Variants in SGCZ observed in about 807,000 individuals in gnomAD.
SGCZ encodes sarcoglycan zeta.
In SGCZ, 40 loss-of-function variants were observed where a neutral mutation model predicts 41.3. The observed-to-expected ratio is 0.97, with a 90% confidence interval of 0.75 to 1.26. The LOEUF (loss-of-function observed/expected upper bound fraction) is 1.26, where lower values mean the gene tolerates loss of function less well. Ranked by LOEUF, SGCZ falls within the 50% of genes most tolerant of loss-of-function variation. The pLI, the probability that SGCZ is intolerant of heterozygous loss-of-function variation, is 0.00. For synonymous variants in SGCZ, 206 were observed against 137.5 expected, an observed-to-expected ratio of 1.50 and a Z score of -3.49; for missense variants, 552 against 369.8, an observed-to-expected ratio of 1.49 and a Z score of -4.04.
intron 1 of SGCZ, among the ~76,000 whole-genome samples, chr8:15,062,709 A>G (rs145050374): frequency 3.9e-5 from 6 of 152,196 alleles, no homozygotes; most frequent in African/African-American, 1.4e-4. Context: ...TTGAGAATAA[A>G]TTGAAAAATA....
chr8:14,381,531 G>T (rs10101058), intron 2 of SGCZ, among the ~76,000 whole-genome samples: 55,103 of 151,722 alleles, frequency 0.36, 10,940 homozygotes, highest in African/African-American at 0.54. Context: ...TCCCAGTATG[G>T]TGGGAAGCTC....
chr8:14,256,630 T>A (rs1287729002), intron 3 of SGCZ, among the ~76,000 whole-genome samples: 1 of 152,178 alleles, frequency 6.6e-6, no homozygotes, highest in Non-Finnish European at 1.5e-5. Flanking sequence ...ACTATGATTT[T>A]ACATTAGAAA....
At chr8:14,755,474 A>C (rs2248529) in intron 1 of SGCZ, among the ~76,000 whole-genome samples, 103,200 of 151,960 alleles carry the variant, frequency 0.68, 35,318 homozygotes, top group East Asian at 0.81. Context: ...TACTCACGAT[A>C]AGGAAATACA....
intron 1 of SGCZ, among the ~76,000 whole-genome samples, chr8:15,022,939 G>T (rs936631): frequency 5.3e-5 from 8 of 151,994 alleles, no homozygotes; most frequent in African/African-American, 1.7e-4. Flanking sequence ...CTCACATTCC[G>T]ACAGTAAGCC....
At chr8:15,160,656 T>C (rs149541857) in intron 1 of SGCZ, among the ~76,000 whole-genome samples, 98 of 152,298 alleles carry the variant, frequency 6.4e-4, no homozygotes, top group African/African-American at 2.2e-3. Flanking sequence ...AAACTATACA[T>C]TAAAGCAGAC....
chr8:14,323,428 T>C (rs17119066), intron 3 of SGCZ, among the ~76,000 whole-genome samples: 127,053 of 151,978 alleles, frequency 0.84, 54,584 homozygotes, highest in Non-Finnish European at 0.94. Context: ...AAGAAAAATA[T>C]CTCAGGGGGA....
intron 1 of SGCZ, among the ~76,000 whole-genome samples, chr8:14,867,806 T>G (rs1247652507): frequency 6.6e-6 from 1 of 151,698 alleles, no homozygotes; most frequent in Non-Finnish European, 1.5e-5. Flanking sequence ...GAAAAATAAC[T>G]AATAGATACC....
chr8:15,223,041 T>C (rs1295601345), intron 1 of SGCZ, among the ~76,000 whole-genome samples: 2 of 152,176 alleles, frequency 1.3e-5, no homozygotes, highest in African/African-American at 4.8e-5. Flanking sequence ...TTTTTCCAGA[T>C]GGTAAGGAGA....
intron 1 of SGCZ, among the ~76,000 whole-genome samples, chr8:15,045,001 A>T (rs2219139): frequency 6.6e-6 from 1 of 152,004 alleles, no homozygotes; most frequent in Non-Finnish European, 1.5e-5. Flanking sequence ...CATGATTGCA[A>T]GATTTATACA....
chr8:14,246,909 CAAAA>C (rs5889525), intron 3 of SGCZ, among the ~76,000 whole-genome samples: 4,130 of 84,488 alleles, frequency 0.049, 74 homozygotes, highest in African/African-American at 0.085. Flanking sequence ...GACTCCATCT[CAAAA>C]AAAAAAAAAA....
chr8:14,611,923 T>A (rs905548512), intron 1 of SGCZ, among the ~76,000 whole-genome samples: 1 of 152,202 alleles, frequency 6.6e-6, no homozygotes, highest in Non-Finnish European at 1.5e-5. Flanking sequence ...CTGTGTAAAA[T>A]ACAGGTAAAT....
intron 1 of SGCZ, among the ~76,000 whole-genome samples, chr8:14,628,343 G>C (rs537689530): frequency 2.3e-5 from 3 of 132,672 alleles, no homozygotes; most frequent in Non-Finnish European, 5.1e-5. Flanking sequence ...TATTACAGCT[G>C]ATAACCTCCC....
At chr8:14,799,657 A>G (rs1378586352) in intron 1 of SGCZ, among the ~76,000 whole-genome samples, 1 of 151,944 alleles carries the variant, frequency 6.6e-6, no homozygotes, top group African/African-American at 2.4e-5. Context: ...TAGGCAGAGG[A>G]AGGAGGGAGC....
chr8:14,128,445 G>C (rs115307439), intron 5 of SGCZ, among the ~76,000 whole-genome samples: 2,289 of 152,282 alleles, frequency 0.015, 51 homozygotes, highest in African/African-American at 0.052. Flanking sequence ...CTTATACACT[G>C]TTGGTGGAAG....
intron 3 of SGCZ, among the ~76,000 whole-genome samples, chr8:14,274,776 G>A (rs991863405): frequency 6.6e-6 from 1 of 151,470 alleles, no homozygotes; most frequent in East Asian, 1.9e-4. Context: ...TGCTTCTCAG[G>A]CATTGAAATA....
intron 4 of SGCZ, among the ~76,000 whole-genome samples, chr8:14,192,567 G>C (rs1027653877): frequency 6.6e-6 from 1 of 151,688 alleles, no homozygotes; most frequent in African/African-American, 2.4e-5. Flanking sequence ...TTATTCAAGA[G>C]TTCTATCCAA....
chr8:14,801,802 C>G (rs1801329662), intron 1 of SGCZ, among the ~76,000 whole-genome samples: 1 of 151,004 alleles, frequency 6.6e-6, no homozygotes, highest in African/African-American at 2.4e-5. Context: ...GGAAAAAGAG[C>G]ACCAAATTTT....
chr8:14,392,614 T>C (rs2117221300), intron 2 of SGCZ, among the ~76,000 whole-genome samples: 1 of 152,274 alleles, frequency 6.6e-6, no homozygotes, highest in African/African-American at 2.4e-5. Flanking sequence ...GGTCTATTTT[T>C]ATTCATTTTA....
chr8:15,212,542 C>G (rs1160594766), intron 1 of SGCZ, among the ~76,000 whole-genome samples: 1 of 152,016 alleles, frequency 6.6e-6, no homozygotes, highest in Non-Finnish European at 1.5e-5. Flanking sequence ...CACTTTCTAA[C>G]CATTTCAGTA....
Sources: gnomAD v4.1 joint callset for allele counts (sites outside exome capture counted in the v4.1 genomes callset) on GRCh38, gnomAD v4.1.1 for gene constraint, MANE v1.5 for transcripts, NCBI Gene and HGNC (gene_info 2026-07-23, HGNC 2026-07-21) for gene names.